EVC2: variants seen among roughly 807,000 people sequenced by gnomAD.
The protein encoded by EVC2 is EvC ciliary complex subunit 2.
Under a neutral mutation model 149.3 loss-of-function variants are expected in EVC2, and 148 were observed. The observed-to-expected ratio is 0.99, with a 90% CI of 0.87 to 1.14. The LOEUF is 1.14. Among genes scored for constraint, EVC2 ranks in the 50% most tolerant of loss-of-function variants. The pLI, the probability that EVC2 is intolerant of heterozygous loss-of-function variation, is 0.00. For missense variants in EVC2, 1,854 were observed against 1,627.3 expected (o/e 1.14, Z -2.40); for synonymous variants, 776 against 649.9 (o/e 1.19, Z -2.95).
At chr4:5,676,062 G>A (rs1719968742) in intron 7 of EVC2, among the ~76,000 whole-genome samples, 1 of 152,204 alleles carries the variant, frequency 6.6e-6, no homozygotes. Context: ...GCAGAACACT[G>A]TGATCTGTTC....
At position 5,662,338 on chromosome 4, in the gene EVC2, CCT is replaced by C. The variant is rs1185887172; in HGVS notation, c.1145+767_1145+768del. Reference sequence around the variant, plus strand: ...ATGAAATAATCTGTACAACAAACCCCCTGTGACACGAGTTTACCTATATAACA... The same window carrying C: ...ATGAAATAATCTGTACAACAAACCCCGTGACACGAGTTTACCTATATAACA... On this transcript the variant is annotated intron_variant, in intron 9 of 21. Coordinates refer to ENST00000344408, the MANE Select transcript of EVC2 (RefSeq NM_147127.5). Among the ~76,000 whole-genome samples, 49 of 151,626 alleles carry C rather than the reference CCT, an allele frequency of 3.2e-4. 1 individual carries two copies. Among genetic ancestry groups the C allele is most frequent in the African/African-American group, 2.9e-4 (12 of 41,314 alleles).
intron 20 of EVC2, among the ~76,000 whole-genome samples, chr4:5,568,232 A>ATTT (rs34681984): frequency 4.0e-5 from 6 of 149,198 alleles, no homozygotes; most frequent in African/African-American, 1.2e-4. Flanking sequence ...CTTTTTATGC[A>ATTT]TTTTTTTTTT....
At position 5,622,788 on chromosome 4, in the gene EVC2, C is replaced by T. The variant is rs552887116; in HGVS notation, c.2250G>A (p.Glu750=). 55 of 1,614,086 alleles carry T rather than the reference C, an allele frequency of 3.4e-5. No homozygotes were observed. The South Asian group carries it at 5.9e-4, about 17-fold the overall frequency. ...TLSLFEKATD[E]LRRLQNSAMT... is the part of the protein sequence containing the mutation. ...TGGCTGAGTTCTGCAGGCGCCGCAG[C>T]TCGTCGGTGGCCTTTTCAAACAGCG... Residue 750 remains glutamate (E), a synonymous_variant, in exon 14 of 22, where the codon GAG becomes GAA. Transcript: ENST00000344408. This position sits in a 1 kb window ranked among gnomAD's most constrained non-coding sequence, Gnocchi z 5.8.
rs188320320 is a variant in EVC2, at chr4:5,624,503, C to T, written c.2046+1246G>A. ...AGTGTTCTCAACAGTGGGGATGCAA[C>T]GTAAGTTTTTGCCTTCGTGGACCTA... On this transcript the variant is annotated intron_variant, in intron 13 of 21. Transcript: ENST00000344408. Among the ~76,000 whole-genome samples, 11 of 152,300 alleles carry T rather than the reference C, an allele frequency of 7.2e-5. No individual in the cohort carries two copies. The East Asian group carries it at 9.7e-4, about 13-fold the overall frequency.
chr4:5,605,350 C>T (rs535835837), intron 16 of EVC2, among the ~76,000 whole-genome samples: 1 of 152,288 alleles, frequency 6.6e-6, no homozygotes, highest in South Asian at 2.1e-4. Context: ...AAATCATAGA[C>T]ACAGTAGCCT....
At chr4:5,604,126 T>C (rs1443211012) in intron 16 of EVC2, among the ~76,000 whole-genome samples, 2 of 152,120 alleles carry the variant, frequency 1.3e-5, no homozygotes, top group African/African-American at 4.8e-5. Flanking sequence ...TACAGAGGGG[T>C]GTAGGATACA....
chr4:5,640,902 T>A lies in EVC2; in HGVS notation c.1146-64A>T, dbSNP rs939542844. 1 of 1,588,216 alleles carries A rather than the reference T, an allele frequency of 6.3e-7. No homozygotes were observed. The highest frequency in any genetic ancestry group is 8.6e-7 in the Non-Finnish European group (1 of 1,158,532). The stretch of plus-strand genomic sequence containing the variant: ...AATTGCAACAGAAACCAAAGGTCTT[T>A]CAAAGCTCTGAGGTTTTCATTTATG... On this transcript the variant is annotated intron_variant, in intron 9 of 21. Coordinates refer to ENST00000344408, the MANE Select transcript of EVC2 (RefSeq NM_147127.5). This position sits in a 1 kb window ranked among gnomAD's most constrained non-coding sequence, Gnocchi z 4.6.
At position 5,622,587 on chromosome 4, in the gene EVC2, G is replaced by A. The variant is rs377709998; in HGVS notation, c.2451C>T (p.Ala817=). Residue 817 remains alanine, a synonymous_variant, in exon 14 of 22, where the codon GCC becomes GCT. Coordinates refer to ENST00000344408, the MANE Select transcript of EVC2 (RefSeq NM_147127.5). The surrounding 1 kb of genome is among the most constrained non-coding windows in gnomAD (Gnocchi z 5.8). ...GCAGCTCTGCCTGCTCCTCTGTCAC[G>A]GCCTCAGGAGCGTCATCCTTCAGTC... ...RQRLKDDAPE[A]VTEEQAELRR... The A allele has an allele frequency of 1.6e-5, 26 of 1,613,860 alleles. No individual in the cohort carries two copies. Among genetic ancestry groups the A allele is most frequent in the South Asian group, 6.6e-5 (6 of 91,040 alleles).
intron 21 of EVC2, among the ~76,000 whole-genome samples, chr4:5,555,122 G>A (rs1721815633): frequency 6.6e-6 from 1 of 151,756 alleles, no homozygotes. Flanking sequence ...GGGGATAAAA[G>A]GGAAATAAGT....
intron 9 of EVC2, among the ~76,000 whole-genome samples, chr4:5,654,735 G>A (rs1402496049): frequency 1.3e-5 from 2 of 152,210 alleles, no homozygotes; most frequent in Admixed American, 6.5e-5. Flanking sequence ...AGGGGTGTAA[G>A]GACACACTTC....
At chr4:5,669,724 C>T (rs1560211624) in intron 7 of EVC2, among the ~76,000 whole-genome samples, 1 of 152,170 alleles carries the variant, frequency 6.6e-6, no homozygotes, top group Non-Finnish European at 1.5e-5. Flanking sequence ...CTTCTAAATC[C>T]ACATCTTGAG....
chr4:5,649,023 T>A (rs1240473236), intron 9 of EVC2, among the ~76,000 whole-genome samples: 1 of 152,248 alleles, frequency 6.6e-6, no homozygotes, highest in African/African-American at 2.4e-5. Context: ...GTGCCATTTT[T>A]AATTATTCAG....
intron 16 of EVC2, among the ~76,000 whole-genome samples, chr4:5,607,725 G>A (rs1420751296): frequency 6.6e-6 from 1 of 152,072 alleles, no homozygotes; most frequent in Non-Finnish European, 1.5e-5. Context: ...GTAGTCAGGT[G>A]GATTTTCTAT....
chr4:5,566,357 G>A (rs1722288966), intron 20 of EVC2, among the ~76,000 whole-genome samples: 1 of 152,170 alleles, frequency 6.6e-6, no homozygotes, highest in Admixed American at 6.5e-5. Flanking sequence ...CTCTCTCCCA[G>A]GAGTCTAACT....
intron 16 of EVC2, among the ~76,000 whole-genome samples, chr4:5,609,194 T>A (rs1157614557): frequency 6.6e-6 from 1 of 152,170 alleles, no homozygotes; most frequent in African/African-American, 2.4e-5. Flanking sequence ...AATCTCCTCC[T>A]ATCTATCTAC....
At position 5,653,401 on chromosome 4, in the gene EVC2, C is replaced by G. The variant is rs1244784162; in HGVS notation, c.1145+9706G>C. On this transcript the variant is annotated intron_variant, in intron 9 of 21. Transcript: ENST00000344408. ...AGGCGTACCAGAGACTATTCCTGCT[C>G]TAGCCAAGAATTTGGGCCAGATGAC... Among the ~76,000 whole-genome samples the G allele has an allele frequency of 3.3e-5, 5 of 152,168 alleles. No individual in the cohort carries two copies. In the East Asian group the frequency reaches 7.7e-4, roughly 23 times the overall value.
In EVC2 at chr4:5,681,930, G is replaced by C. The variant is rs113007465; in HGVS notation, c.817-617C>G. On this transcript the variant is annotated intron_variant, in intron 6 of 21. Transcript: ENST00000344408. ...TTGCCACTGACAGGCTGTCTATAGG[G>C]TGGTGGTTAGGGCCAGGCTGTCTAA... Among the ~76,000 whole-genome samples the C allele has an allele frequency of 7.5e-3, 1,146 of 152,220 alleles. 20 individuals carry two copies. Among genetic ancestry groups the C allele is most frequent in the African/African-American group, 0.026 (1,090 of 41,536 alleles).
At chr4:5,603,950 T>C (rs1714191523) in intron 16 of EVC2, among the ~76,000 whole-genome samples, 2 of 152,224 alleles carry the variant, frequency 1.3e-5, no homozygotes, top group Non-Finnish European at 2.9e-5. Flanking sequence ...ATCCATCAAA[T>C]GGATCTGCTA....
At chr4:5,596,141 T>G (rs2108803561) in intron 16 of EVC2, among the ~76,000 whole-genome samples, 1 of 152,206 alleles carries the variant, frequency 6.6e-6, no homozygotes, top group Middle Eastern at 3.4e-3. Flanking sequence ...CACCCCACTG[T>G]CAACATTAGA....
Sources: allele counts gnomAD v4.1 joint callset (sites outside exome capture counted in the v4.1 genomes callset), GRCh38; gene constraint gnomAD v4.1.1; non-coding constraint Gnocchi (gnomAD v3.1); transcripts MANE v1.5; gene names NCBI Gene and HGNC (gene_info 2026-07-23, HGNC 2026-07-21).